The following ATP8A2 variants were observed in gnomAD, a reference collection of about 807,000 sequenced individuals.
The protein encoded by ATP8A2 is phospholipid-transporting ATPase IB.
Under a neutral mutation model 165.6 loss-of-function variants are expected in ATP8A2, and 100 were observed. The ratio of observed to expected loss-of-function variants is 0.60; its 90% CI spans 0.51 to 0.71. The LOEUF is 0.71. ATP8A2 is among the 30% of genes least tolerant of loss of function. The pLI, the probability that ATP8A2 is intolerant of heterozygous loss-of-function variation, is 0.00. For missense variants in ATP8A2, 1,227 were observed against 1,479.5 expected (o/e 0.83, Z 2.80); for synonymous variants, 543 against 548.8 (o/e 0.99, Z 0.15).
Position 26,003,326 on chromosome 13 carries a change from C to T in ATP8A2, c.3378-9205C>T, listed in dbSNP as rs539354252. 5.0e-4 allele frequency among the ~76,000 whole-genome samples: 74 copies of T among 147,836 alleles called. 3 individuals are homozygous for T. Among genetic ancestry groups the T allele is most frequent in the African/African-American group, 1.5e-3 (60 of 39,958 alleles). Reference sequence around the variant, plus strand: ...ATATACCTGTTGGTCATATGTATATCGTCTTTTAAGAAATGTCTATTCAGG... The same window carrying T: ...ATATACCTGTTGGTCATATGTATATTGTCTTTTAAGAAATGTCTATTCAGG... On this transcript the variant is annotated intron_variant, in intron 35 of 36. Transcript: ENST00000381655.
intron 27 of ATP8A2, among the ~76,000 whole-genome samples, chr13:25,791,494 A>G (rs954558684): frequency 6.6e-6 from 1 of 151,294 alleles, no homozygotes; most frequent in African/African-American, 2.4e-5. Context: ...AAGTTTACCT[A>G]TGTAACAAAC....
At chr13:25,959,077 G>C (rs1955597832) in intron 33 of ATP8A2, among the ~76,000 whole-genome samples, 1 of 152,178 alleles carries the variant, frequency 6.6e-6, no homozygotes, top group East Asian at 1.9e-4. Context: ...CAGGGGCCAA[G>C]CACCACCTCA....
At chr13:25,517,587 T>C (rs1404651787) in intron 2 of ATP8A2, among the ~76,000 whole-genome samples, 1 of 152,234 alleles carries the variant, frequency 6.6e-6, no homozygotes, top group East Asian at 1.9e-4. Flanking sequence ...AGGTGTATTG[T>C]AAATTGATTG....
intron 35 of ATP8A2, among the ~76,000 whole-genome samples, chr13:25,999,530 T>C (rs1459502416): frequency 6.6e-6 from 1 of 152,194 alleles, no homozygotes; most frequent in African/African-American, 2.4e-5. Flanking sequence ...TGATTCTCTC[T>C]GCCCTGCTCC....
chr13:25,942,784 G>T (rs935900973), intron 33 of ATP8A2, among the ~76,000 whole-genome samples: 2 of 152,174 alleles, frequency 1.3e-5, no homozygotes, highest in African/African-American at 4.8e-5. Flanking sequence ...ACTAATCAAG[G>T]TCATAAAGAT....
In ATP8A2 at chr13:25,500,087, ATCTT is replaced by A. The variant is rs1380817458; in HGVS notation, c.222-29909_222-29906del. 6.6e-5 allele frequency among the ~76,000 whole-genome samples: 10 copies of A among 152,244 alleles called. No homozygotes were observed. In the East Asian group the frequency reaches 1.9e-3, roughly 29 times the overall value. On this transcript the variant is annotated intron_variant, in intron 2 of 36. Transcript: ENST00000381655. ...GGAAGAGTAGATTATTTCCTCATAA[ATCTT>A]TCATTTTATAGTTATCAAAGTGCCC...
rs2044004504 is a variant in ATP8A2 at position 25,745,193 on chromosome 13, T to TC, written c.2385-23852dup. ...CCTGACCTCAAGTGATCCACCCGCC[T>TC]CGGCCTCCCAAAGTGCTGGGATTAC... On this transcript the variant is annotated intron_variant, in intron 25 of 36. Transcript: ENST00000381655. Among the ~76,000 whole-genome samples, 3 of 152,312 alleles carry TC rather than the reference T, an allele frequency of 2.0e-5. No homozygotes were observed. In the South Asian group the frequency reaches 6.2e-4, roughly 32 times the overall value.
intron 1 of ATP8A2, among the ~76,000 whole-genome samples, chr13:25,419,006 AG>A (rs1262148555): frequency 6.6e-6 from 1 of 152,000 alleles, no homozygotes; most frequent in Admixed American, 6.6e-5. Context: ...AAGAGAAGGG[AG>A]GGGGAAGAAG....
At chr13:25,932,226 G>A (rs907033860) in intron 33 of ATP8A2, among the ~76,000 whole-genome samples, 2 of 152,064 alleles carry the variant, frequency 1.3e-5, no homozygotes, top group Non-Finnish European at 1.5e-5. Flanking sequence ...TCTCAGAGGG[G>A]AACAGAAAGG....
chr13:25,502,962 G>GT (rs1172082400), intron 2 of ATP8A2, among the ~76,000 whole-genome samples: 1 of 152,178 alleles, frequency 6.6e-6, no homozygotes, highest in African/African-American at 2.4e-5. Flanking sequence ...CTTGAGAAGA[G>GT]ACCAGTTGGG....
intron 1 of ATP8A2, among the ~76,000 whole-genome samples, chr13:25,452,420 T>C (rs2035253523): frequency 6.6e-6 from 1 of 152,228 alleles, no homozygotes; most frequent in Admixed American, 6.5e-5. Context: ...TTCCTCTCCT[T>C]GTAACATTAT....
intron 1 of ATP8A2, among the ~76,000 whole-genome samples, chr13:25,454,526 G>A (rs920316696): frequency 6.6e-6 from 1 of 152,192 alleles, no homozygotes; most frequent in Non-Finnish European, 1.5e-5. Flanking sequence ...AACGAGAGAA[G>A]CAAGCAGAGC....
intron 25 of ATP8A2, among the ~76,000 whole-genome samples, chr13:25,707,940 C>A (rs2043085915): frequency 6.6e-6 from 1 of 152,136 alleles, no homozygotes; most frequent in South Asian, 2.1e-4. Flanking sequence ...TCTGTGTGAT[C>A]TCCCATCCAT....
rs528341644 is a variant in ATP8A2 at position 25,592,338 on chromosome 13, A to G, written c.2211+2639A>G. ...CCACCTTCAAGACCTTGCTTTGCAC[A>G]TATTATGCACTCAGTAAATGTTTGA... On this transcript the variant is annotated intron_variant, in intron 24 of 36. Coordinates refer to ENST00000381655, the MANE Select transcript of ATP8A2 (RefSeq NM_016529.6). Among the ~76,000 whole-genome samples the G allele has an allele frequency of 5.3e-5, 8 of 152,054 alleles. No individual in the cohort carries two copies. The South Asian group carries it at 1.7e-3, about 32-fold the overall frequency.
chr13:25,555,810 C>T (rs2038963883), intron 13 of ATP8A2, among the ~76,000 whole-genome samples: 1 of 151,908 alleles, frequency 6.6e-6, no homozygotes, highest in Non-Finnish European at 1.5e-5. Flanking sequence ...GTCTCTTGTT[C>T]CCATATTTAT....
At chr13:25,932,701 G>A (rs979401563) in intron 33 of ATP8A2, among the ~76,000 whole-genome samples, 1 of 152,168 alleles carries the variant, frequency 6.6e-6, no homozygotes, top group Non-Finnish European at 1.5e-5. Context: ...GATTTGTCCT[G>A]GGTGTTTTGA....
At chr13:25,918,059 G>A (rs947034707) in intron 33 of ATP8A2, among the ~76,000 whole-genome samples, 12 of 152,052 alleles carry the variant, frequency 7.9e-5, no homozygotes, top group Non-Finnish European at 1.5e-4. Flanking sequence ...ATCTGTAGAG[G>A]GACATGTTTT....
rs145633513 is a variant in ATP8A2 at position 25,689,359 on chromosome 13, C to G, written c.2212-9814C>G. Among the ~76,000 whole-genome samples, 13 of 152,180 alleles carry G rather than the reference C, an allele frequency of 8.5e-5. No individual in the cohort carries two copies. In the East Asian group the frequency reaches 2.1e-3, roughly 25 times the overall value. On this transcript the variant is annotated intron_variant, in intron 24 of 36. Coordinates refer to ENST00000381655, the MANE Select transcript of ATP8A2 (RefSeq NM_016529.6). ...TAAAGATCTTAATGAGATTAATAAC[C>G]CTTTATCTTCCTTTGGTAAAATTTA...
chr13:25,439,907 T>TA (rs11312275), intron 1 of ATP8A2, among the ~76,000 whole-genome samples: 73 of 146,986 alleles, frequency 5.0e-4, no homozygotes, highest in African/African-American at 4.5e-4. Flanking sequence ...ACCCTGTCTA[T>TA]AAAAAAAAAA....
Sources: gnomAD v4.1 joint callset for allele counts (sites outside exome capture counted in the v4.1 genomes callset) on GRCh38, gnomAD v4.1.1 for gene constraint, MANE v1.5 for transcripts, NCBI Gene and HGNC (gene_info 2026-07-23, HGNC 2026-07-21) for gene names.